The following PIP4K2A variants were observed in gnomAD, a reference collection of about 807,000 sequenced individuals.
The protein encoded by PIP4K2A is phosphatidylinositol-5-phosphate 4-kinase type 2 alpha.
In PIP4K2A, 14 loss-of-function variants were observed where a neutral mutation model predicts 42.9. The observed-to-expected ratio is 0.33, with a 90% CI of 0.22 to 0.51. PIP4K2A has a LOEUF of 0.51. PIP4K2A is among the 20% of genes least tolerant of loss of function. The pLI, the probability that PIP4K2A is intolerant of heterozygous loss-of-function variation, is 0.97. For missense variants in PIP4K2A, 434 were observed against 519.8 expected, an observed-to-expected ratio of 0.83 and a Z score of 1.61; for synonymous variants, 192 against 192.2, an observed-to-expected ratio of 1.00 and a Z score of 0.01.
chr10:22,668,325 G>C (rs990964653), intron 1 of PIP4K2A, among the ~76,000 whole-genome samples: 3 of 152,142 alleles, frequency 2.0e-5, no homozygotes, highest in Non-Finnish European at 4.4e-5. Flanking sequence ...ACGTTTCCCA[G>C]TAGGCCTTTT....
intron 4 of PIP4K2A, among the ~76,000 whole-genome samples, chr10:22,584,600 T>C (rs931544649): frequency 6.6e-6 from 1 of 152,076 alleles, no homozygotes; most frequent in Non-Finnish European, 1.5e-5. Flanking sequence ...CAGCTCCCCA[T>C]GAAACTAGGA....
chr10:22,672,276 G>C (rs1247840823), intron 1 of PIP4K2A, among the ~76,000 whole-genome samples: 1 of 149,722 alleles, frequency 6.7e-6, no homozygotes, highest in Non-Finnish European at 1.5e-5. Context: ...TCTGGGTCGG[G>C]GGGACAGTGT....
Position 22,536,967 on chromosome 10 carries a change from AACACAC to A in PIP4K2A, c.*228_*233del, listed in dbSNP as rs34780922. 9.6e-5 allele frequency: 33 copies of A among 344,422 alleles called. No individual in the cohort carries two copies. The highest frequency in any genetic ancestry group is 1.4e-4 in the Non-Finnish European group (27 of 187,888). 21.3% of individuals were successfully genotyped at this position (344,422 alleles called of 1,614,324 possible). ...CGCGCGCACACACTCACCCCCCCCC[AACACAC>A]ACACACACACATATACACAAAGTCA... On this transcript the variant is annotated 3_prime_UTR_variant, in exon 10 of 10. Transcript: ENST00000376573.
intron 4 of PIP4K2A, among the ~76,000 whole-genome samples, chr10:22,589,673 T>C (rs908583943): frequency 1.3e-5 from 2 of 152,194 alleles, no homozygotes; most frequent in Admixed American, 6.5e-5. Context: ...TGCATGAACA[T>C]AAAGTAATGC....
intron 1 of PIP4K2A, among the ~76,000 whole-genome samples, chr10:22,635,869 C>A (rs929378848): frequency 6.6e-6 from 1 of 152,076 alleles, no homozygotes; most frequent in Non-Finnish European, 1.5e-5. Flanking sequence ...AAGCCATTAC[C>A]AAAAACAGGA....
intron 4 of PIP4K2A, among the ~76,000 whole-genome samples, chr10:22,583,844 AG>A (rs1430770736): frequency 1.3e-5 from 2 of 152,242 alleles, no homozygotes; most frequent in Non-Finnish European, 2.9e-5. Context: ...TACGGTCTGC[AG>A]AAGGCCTGCA....
At chr10:22,703,608 G>T (rs1236783478) in intron 1 of PIP4K2A, among the ~76,000 whole-genome samples, 1 of 152,168 alleles carries the variant, frequency 6.6e-6, no homozygotes, top group Non-Finnish European at 1.5e-5. Flanking sequence ...AGATCCTGCA[G>T]GTCAGAAAAG....
chr10:22,702,763 A>G (rs1833738123), intron 1 of PIP4K2A, among the ~76,000 whole-genome samples: 1 of 152,170 alleles, frequency 6.6e-6, no homozygotes, highest in Non-Finnish European at 1.5e-5. Context: ...GGGAGGCCTC[A>G]TGGTATACCA....
In PIP4K2A at chr10:22,537,200, G is replaced by T. The variant is rs774726450; in HGVS notation, c.*1C>A. The T allele has an allele frequency of 2.0e-5, 32 of 1,599,652 alleles. No homozygotes were observed. Among genetic ancestry groups the T allele is most frequent in the Non-Finnish European group, 2.7e-5 (32 of 1,171,246 alleles). Reference sequence around the variant, plus strand: ...ATGTCTGTCCGAGGCTGCGCAGGAGGTTACGTCAAGATGTGGCCAATAAAG... The same window carrying T: ...ATGTCTGTCCGAGGCTGCGCAGGAGTTTACGTCAAGATGTGGCCAATAAAG... On this transcript the variant is annotated 3_prime_UTR_variant, in exon 10 of 10. Coordinates refer to ENST00000376573, the MANE Select transcript of PIP4K2A (RefSeq NM_005028.5).
chr10:22,539,673 T>C (rs2130736607), intron 9 of PIP4K2A: 1 of 316,050 alleles, frequency 3.2e-6, no homozygotes, highest in East Asian at 5.5e-5. Flanking sequence ...AAAGAAGAGA[T>C]GTTCATGTTT....
chr10:22,588,441 T>C, intron 4 of PIP4K2A, among the ~76,000 whole-genome samples: 1 of 152,232 alleles, frequency 6.6e-6, no homozygotes, highest in Middle Eastern at 3.2e-3. Flanking sequence ...CATTTCTCCT[T>C]GGCAACAGAC....
At chr10:22,612,500 T>C (rs951907778) in intron 1 of PIP4K2A, among the ~76,000 whole-genome samples, 2 of 151,966 alleles carry the variant, frequency 1.3e-5, no homozygotes, top group African/African-American at 2.4e-5. Context: ...ATAGACAAGG[T>C]GCGTGGCATG....
Position 22,671,357 on chromosome 10 carries a change from C to T in PIP4K2A, c.144+42826G>A, listed in dbSNP as rs115876876. ...GTCTCTTCTGGGTGGAGAGAGTACACCTGATGAATTTTTAAAAAGAGCTGG... is the reference window on the plus strand; with the variant it reads ...GTCTCTTCTGGGTGGAGAGAGTACATCTGATGAATTTTTAAAAAGAGCTGG... On this transcript the variant is annotated intron_variant, in intron 1 of 9. Coordinates refer to ENST00000376573, the MANE Select transcript of PIP4K2A (RefSeq NM_005028.5). 9.9e-3 allele frequency among the ~76,000 whole-genome samples: 1,513 copies of T among 152,182 alleles called. 28 individuals are homozygous for T. Among genetic ancestry groups the T allele is most frequent in the African/African-American group, 0.035 (1,454 of 41,486 alleles).
chr10:22,646,173 C>T (rs1008181004), intron 1 of PIP4K2A: 1 of 152,196 alleles, frequency 6.6e-6, no homozygotes. Context: ...AGAAAACAGG[C>T]TTCTCTGCTT....
At chr10:22,700,269 C>T (rs1252452518) in intron 1 of PIP4K2A, among the ~76,000 whole-genome samples, 4 of 152,204 alleles carry the variant, frequency 2.6e-5, no homozygotes, top group Admixed American at 6.5e-5. Flanking sequence ...ACCACATTCC[C>T]GATAGCACCG....
In PIP4K2A at chr10:22,609,564, A is replaced by G. The variant is rs1041909872; in HGVS notation, c.242+56T>C. On this transcript the variant is annotated intron_variant, in intron 2 of 9. Transcript: ENST00000376573. Reference sequence around the variant, plus strand: ...AATTATGTGATTACAAAAATTCACAAAACTTGTACTCCTAGCAGCCACGCT... The same window carrying G: ...AATTATGTGATTACAAAAATTCACAGAACTTGTACTCCTAGCAGCCACGCT... 9.3e-6 allele frequency: 9 copies of G among 972,906 alleles called. No homozygotes were observed. The African/African-American group carries it at 1.1e-4, about 12-fold the overall frequency. 60.3% of individuals were successfully genotyped at this position (972,906 alleles called of 1,614,324 possible). A position where few individuals can be genotyped will look rare whatever the true frequency, so the allele number is the denominator to read the frequency against.
At chr10:22,679,099 T>G (rs563806199) in intron 1 of PIP4K2A, among the ~76,000 whole-genome samples, 1 of 152,192 alleles carries the variant, frequency 6.6e-6, no homozygotes, top group South Asian at 2.1e-4. Context: ...ATATCAAAAT[T>G]TACACCTAAT....
At chr10:22,663,559 T>C (rs921632720) in intron 1 of PIP4K2A, among the ~76,000 whole-genome samples, 1 of 152,158 alleles carries the variant, frequency 6.6e-6, no homozygotes, top group South Asian at 2.1e-4. Context: ...GCATATTTCA[T>C]TAAAAGTTTG....
chr10:22,663,994 T>C (rs1029300940), intron 1 of PIP4K2A, among the ~76,000 whole-genome samples: 1 of 142,916 alleles, frequency 7.0e-6, no homozygotes, highest in Non-Finnish European at 1.5e-5. Flanking sequence ...GTCAGGGGTA[T>C]GCCCACTTAA....
Sources: allele counts gnomAD v4.1 joint callset (sites outside exome capture counted in the v4.1 genomes callset), GRCh38; gene constraint gnomAD v4.1.1; transcripts MANE v1.5; gene names NCBI Gene and HGNC (gene_info 2026-07-23, HGNC 2026-07-21).